Variants in TNXB observed in about 807,000 individuals in gnomAD.
TNXB encodes the protein tenascin XB, also known as tenascin-X.
Under a neutral mutation model 340.5 loss-of-function variants are expected in TNXB, and 183 were observed. The ratio of observed to expected loss-of-function variants is 0.54; its 90% CI spans 0.48 to 0.61. The LOEUF (loss-of-function observed/expected upper bound fraction) is 0.61, where lower values mean the gene tolerates loss of function less well. Among genes scored for constraint, TNXB ranks in the 20% least tolerant of loss-of-function variants. TNXB has a pLI of 0.00. For missense variants in TNXB, 4,613 were observed against 5,446.4 expected (o/e 0.85, Z 4.82); for synonymous variants, 2,121 against 2,314.5 (o/e 0.92, Z 2.40).
At chr6:32,093,860 C>A (rs1212461028) in intron 4 of TNXB, among the ~76,000 whole-genome samples, 1 of 151,842 alleles carries the variant, frequency 6.6e-6, no homozygotes, top group Admixed American at 6.6e-5. Context: ...GAGGCTGAGG[C>A]GGGCAGATCA....
intron 1 of TNXB, among the ~76,000 whole-genome samples, chr6:32,104,434 A>C (rs518287): frequency 0.023 from 3,537 of 152,256 alleles, 76 homozygotes; most frequent in South Asian, 0.12. Flanking sequence ...TTCCCCATTG[A>C]AGCTCAGGAC....
chr6:32,063,188 G>C (rs1043154988), intron 19 of TNXB, among the ~76,000 whole-genome samples: 2 of 152,198 alleles, frequency 1.3e-5, no homozygotes, highest in Admixed American at 1.3e-4. Flanking sequence ...AGGAGCTTGA[G>C]ACCAGCCTGG....
At position 32,046,081 on chromosome 6, in the gene TNXB, C is replaced by T. The variant is rs753500474; in HGVS notation, c.10606+94G>A. ...GACAGGCCAGGGCGCCCCACTCCGG[C>T]CTGCCCACTCCTGCAGTCATCTTTG... is the stretch of plus-strand genomic sequence containing the variant. On this transcript the variant is annotated intron_variant, in intron 31 of 43. Coordinates refer to ENST00000644971, the MANE Select transcript of TNXB (RefSeq NM_001365276.2). The surrounding 1 kb of genome is among the most constrained non-coding windows in gnomAD (Gnocchi z 6.9). 1.5e-5 allele frequency: 23 copies of T among 1,504,442 alleles called. No homozygotes were observed. The highest frequency in any genetic ancestry group is 1.2e-5 in the Non-Finnish European group (13 of 1,127,892). 93.2% of individuals were successfully genotyped at this position (1,504,442 alleles called of 1,614,324 possible).
Position 32,074,165 on chromosome 6 carries a change from C to T in TNXB, c.4376-213G>A, listed in dbSNP as rs982847380. Among the ~76,000 whole-genome samples, 12 of 151,782 alleles carry T rather than the reference C, an allele frequency of 7.9e-5. No homozygotes were observed. Among genetic ancestry groups the T allele is most frequent in the African/African-American group, 1.9e-4 (8 of 41,302 alleles). On this transcript the variant is annotated intron_variant, in intron 11 of 43. Coordinates refer to ENST00000644971, the MANE Select transcript of TNXB (RefSeq NM_001365276.2). The surrounding 1 kb of genome is among the most constrained non-coding windows in gnomAD (Gnocchi z 5.5). The stretch of plus-strand genomic sequence containing the variant: ...CCAAGTAGCTGGGACTACAGGCGTG[C>T]GCCACCATGCCTGCCTAATTTTGTG...
rs1273887941 is a variant in TNXB at position 32,068,403 on chromosome 6, G to A, written c.6207C>T (p.Val2069=). 9.9e-6 allele frequency: 16 copies of A among 1,613,080 alleles called. No individual in the cohort carries two copies. The highest frequency in any genetic ancestry group is 6.7e-5 in the African/African-American group (5 of 75,030). Residue 2069 remains valine, a synonymous_variant, in exon 17 of 44, where the codon GTC becomes GTT. Coordinates refer to ENST00000644971, the MANE Select transcript of TNXB (RefSeq NM_001365276.2). The surrounding 1 kb of genome is among the most constrained non-coding windows in gnomAD (Gnocchi z 5.3). The stretch of plus-strand genomic sequence containing the variant: ...TCATCCACTCACCTGTCACCCCGAC[G>A]ACAGACACAGGGCCCATGCGCTGGC... ...HGGQRMGPVS[V]VGVTAAEEET...
In TNXB at chr6:32,073,689, C is replaced by T; in HGVS notation, c.4639G>A (p.Asp1547Asn). Reference sequence around the variant, plus strand: ...GACAGGGGGCCCATGCGTTGCCCATCATGTAGTCCATACATGTTCATCTTA... The same window carrying T: ...GACAGGGGGCCCATGCGTTGCCCATTATGTAGTCCATACATGTTCATCTTA... ...KYKMNMYGLH[D>N]GQRMGPLSVV... is the part of the protein sequence containing the mutation. The change falls in exon 12 of 44, where the codon GAT becomes AAT. Residue 1547 changes from aspartate to asparagine, a missense_variant. Physicochemically the swap from Asp to Asn is conservative, Grantham distance 23 (BLOSUM62 1). This residue lies in a region of TNXB where 4,327 missense variants were observed against 4,859.4 expected (regional missense o/e 0.89). Transcript: ENST00000644971. The surrounding 1 kb of genome is among the most constrained non-coding windows in gnomAD (Gnocchi z 4.6). The T allele has an allele frequency of 6.2e-7, 1 of 1,610,190 alleles. No individual in the cohort carries two copies. Among genetic ancestry groups the T allele is most frequent in the East Asian group, 2.2e-5 (1 of 44,864 alleles).
Position 32,068,060 on chromosome 6 carries a change from C to T in TNXB, c.6221-76G>A. 1 of 1,542,222 alleles carries T rather than the reference C, an allele frequency of 6.5e-7. No individual in the cohort carries two copies. Among genetic ancestry groups the T allele is most frequent in the Non-Finnish European group, 8.7e-7 (1 of 1,143,216 alleles). Reference sequence around the variant, plus strand: ...AAGGAGGGAGAAGCCAAGGCTATGACTGGGGGACCCGAGGTCAGTTCAGAG... The same window carrying T: ...AAGGAGGGAGAAGCCAAGGCTATGATTGGGGGACCCGAGGTCAGTTCAGAG... On this transcript the variant is annotated intron_variant, in intron 17 of 43. Coordinates refer to ENST00000644971, the MANE Select transcript of TNXB (RefSeq NM_001365276.2). This position sits in a 1 kb window ranked among gnomAD's most constrained non-coding sequence, Gnocchi z 5.3.
rs17207895 is a variant in TNXB at position 32,052,735 on chromosome 6, T to C, written c.9050A>G (p.Lys3017Arg). 32,208 of 1,613,740 alleles carry C rather than the reference T, an allele frequency of 0.02. 751 individuals carry two copies. The highest frequency in any genetic ancestry group is 0.022 in the Middle Eastern group (133 of 6,062). ...VGGLEPGCKY[K>R]MHLYGLHEGQ... ...CTCGTGGAGGCCGTACAGGTGCATC[T>C]TGTATTTGCACCCGGGCTCCAGGCC... Residue 3017 changes from lysine (K) to arginine (R), a missense_variant, in exon 26 of 44, where the codon AAG (lysine) becomes AGG (arginine). Transcript: ENST00000644971. The surrounding 1 kb of genome is among the most constrained non-coding windows in gnomAD (Gnocchi z 4.7).
At position 32,097,455 on chromosome 6, in the gene TNXB, G is replaced by C; in HGVS notation, c.404-6C>G. ...GGTCCGCACATCTGTCTGACCTGGA[G>C]TAGGAGGGGAGAGGCAAGTCTCAGT... On this transcript the variant is annotated splice_region_variant and splice_polypyrimidine_tract_variant and intron_variant, in intron 2 of 43. Transcript: ENST00000644971. This position sits in a 1 kb window ranked among gnomAD's most constrained non-coding sequence, Gnocchi z 5.9. 1.3e-6 allele frequency: 2 copies of C among 1,585,232 alleles called. No homozygotes were observed. Among genetic ancestry groups the C allele is most frequent in the Non-Finnish European group, 1.7e-6 (2 of 1,168,102 alleles).
rs1228821419 is a variant in TNXB at position 32,090,958 on chromosome 6, C to T, written c.2359-1579G>A. 6.6e-6 allele frequency among the ~76,000 whole-genome samples: 1 copy of T among 152,158 alleles called. No individual in the cohort carries two copies. Among genetic ancestry groups the T allele is most frequent in the African/African-American group, 2.4e-5 (1 of 41,430 alleles). Reference sequence around the variant, plus strand: ...GTCTGGTTCTTTCAGTGAGGCAAGCCTATCCCCAGAGTTCTCCTTCTCCCT... The same window carrying T: ...GTCTGGTTCTTTCAGTGAGGCAAGCTTATCCCCAGAGTTCTCCTTCTCCCT... On this transcript the variant is annotated intron_variant, in intron 4 of 43. Coordinates refer to ENST00000644971, the MANE Select transcript of TNXB (RefSeq NM_001365276.2). The surrounding 1 kb of genome is among the most constrained non-coding windows in gnomAD (Gnocchi z 4.3).
At chr6:32,043,654 A>G (rs1776605863) in intron 35 of TNXB, 95 bp downstream of exon 35, 9 of 1,581,034 alleles carry the variant, frequency 5.7e-6, no homozygotes, top group Non-Finnish European at 7.8e-6. Flanking sequence ...CGGAGCCTCC[A>G]CCACCTCCCT....
At chr6:32,101,677 G>A (rs920073440) in intron 1 of TNXB, among the ~76,000 whole-genome samples, 2 of 148,630 alleles carry the variant, frequency 1.3e-5, no homozygotes, top group African/African-American at 5.0e-5. Flanking sequence ...GATCTGCCTT[G>A]GCCTCCCAAA....
chr6:32,073,387 C>T lies in TNXB; in HGVS notation c.4681+260G>A, dbSNP rs935658027. 6.6e-6 allele frequency among the ~76,000 whole-genome samples: 1 copy of T among 152,036 alleles called. No homozygotes were observed. The highest frequency in any genetic ancestry group is 1.5e-5 in the Non-Finnish European group (1 of 68,018). Reference sequence around the variant, plus strand: ...AGAAAGTCTGTGGCTGGATTTAGGCCAAATGGAAATAAGACATTCCCCTGG... The same window carrying T: ...AGAAAGTCTGTGGCTGGATTTAGGCTAAATGGAAATAAGACATTCCCCTGG... On this transcript the variant is annotated intron_variant, in intron 12 of 43. Transcript: ENST00000644971. This position sits in a 1 kb window ranked among gnomAD's most constrained non-coding sequence, Gnocchi z 4.6.
At position 32,082,031 on chromosome 6, in the gene TNXB, C is replaced by T. The variant is rs1429104837; in HGVS notation, c.3736+5G>A. On this transcript the variant is annotated splice_donor_5th_base_variant and intron_variant, in intron 9 of 43. Transcript: ENST00000644971. This position sits in a 1 kb window ranked among gnomAD's most constrained non-coding sequence, Gnocchi z 5.0. ...CACATGGGGGCTGAGGTGGCTGCTA[C>T]TCACCAGTGGTGCCATCGGCCGTGA... 6.3e-7 allele frequency: 1 copy of T among 1,599,106 alleles called. No homozygotes were observed. The highest frequency in any genetic ancestry group is 2.2e-5 in the East Asian group (1 of 44,530).
intron 1 of TNXB, among the ~76,000 whole-genome samples, chr6:32,098,543 C>T (rs79594290): frequency 0.042 from 6,368 of 152,148 alleles, 208 homozygotes; most frequent in East Asian, 0.1. Flanking sequence ...TGCAGTGGTG[C>T]GATCTCAGCT....
In TNXB at chr6:32,056,095, C is replaced by G; in HGVS notation, c.8223G>C (p.Glu2741Asp). ...CAGGGGAGGATCCTGTCACTGTCAG[C>G]TCCCCCAGGAGCGGCTCCTCAGGGG... ...PEPPEEPLLGELTVTGSSPDS... is the reference protein window; with the variant it reads ...PEPPEEPLLGDLTVTGSSPDS... The change falls in exon 24 of 44, where the codon GAG (glutamate) becomes GAC (aspartate). Residue 2741 changes from glutamate (E) to aspartate (D), a missense_variant. By Grantham distance (45) the Glu-to-Asp change is conservative. Transcript: ENST00000644971. The G allele has an allele frequency of 6.2e-7, 1 of 1,612,724 alleles. No individual in the cohort carries two copies.
In TNXB at chr6:32,062,166, C is replaced by T. The variant is rs771823327; in HGVS notation, c.7159G>A (p.Gly2387Arg). The change falls in exon 20 of 44, where the codon GGG becomes AGG. Residue 2387 changes from glycine (G) to arginine (R), a missense_variant. By Grantham distance (125) the Gly-to-Arg change is moderately radical (BLOSUM62 -2). This residue lies in a region of TNXB where 4,327 missense variants were observed against 4,859.4 expected (regional missense o/e 0.89). Coordinates refer to ENST00000644971, the MANE Select transcript of TNXB (RefSeq NM_001365276.2). The surrounding 1 kb of genome is among the most constrained non-coding windows in gnomAD (Gnocchi z 4.3). The part of the protein sequence containing the change: ...GQRVGPVSAI[G>R]VTAAEEETPS... Reference sequence around the variant, plus strand: ...CCCATCGTCCACTCACCTGTCACCCCGATGGCAGACACGGGGCCCACACGC... The same window carrying T: ...CCCATCGTCCACTCACCTGTCACCCTGATGGCAGACACGGGGCCCACACGC... The T allele has an allele frequency of 2.1e-5, 34 of 1,610,610 alleles. No individual in the cohort carries two copies. In the East Asian group the frequency reaches 5.4e-4, roughly 25 times the overall value.
chr6:32,093,252 A>G (rs1387492628), intron 4 of TNXB: 4 of 656,072 alleles, frequency 6.1e-6, no homozygotes, highest in Non-Finnish European at 5.6e-6. Context: ...TGCTTGTTTT[A>G]GTGAGGAGCA....
chr6:32,047,050 AGAAC>A lies in TNXB; in HGVS notation c.10325-598_10325-595del, dbSNP rs1273019008. On this transcript the variant is annotated intron_variant, in intron 30 of 43. Coordinates refer to ENST00000644971, the MANE Select transcript of TNXB (RefSeq NM_001365276.2). This position sits in a 1 kb window ranked among gnomAD's most constrained non-coding sequence, Gnocchi z 6.2. ...GGGAGAAGACAGGGGATTAGCTGGGAGAACAGAGGGCAGAGCAGAGGCTTGCCCG... is the reference window on the plus strand; with the variant it reads ...GGGAGAAGACAGGGGATTAGCTGGGAAGAGGGCAGAGCAGAGGCTTGCCCG... Among the ~76,000 whole-genome samples the A allele has an allele frequency of 1.3e-5, 2 of 152,204 alleles. No homozygotes were observed. Among genetic ancestry groups the A allele is most frequent in the Non-Finnish European group, 2.9e-5 (2 of 68,022 alleles).
Sources: allele counts gnomAD v4.1 joint callset (sites outside exome capture counted in the v4.1 genomes callset), GRCh38; gene constraint gnomAD v4.1.1; regional missense constraint gnomAD v4.1.1; non-coding constraint Gnocchi (gnomAD v3.1); transcripts MANE v1.5; gene names NCBI Gene and HGNC (gene_info 2026-07-23, HGNC 2026-07-21).